Variants in DEF6 observed in about 807,000 individuals in gnomAD.
The protein encoded by DEF6 is differentially expressed in FDCP 6 homolog.
In DEF6, 32 loss-of-function variants were observed where a neutral mutation model predicts 80.5. The ratio of observed to expected loss-of-function variants is 0.40; its 90% CI spans 0.30 to 0.53. The LOEUF (loss-of-function observed/expected upper bound fraction) is 0.53. Ranked by LOEUF, DEF6 falls within the 20% of genes least tolerant of loss-of-function variation. The probability of loss-of-function intolerance (pLI) is 0.57; values close to 1 mark genes in which losing one functional copy is unlikely to be tolerated. For synonymous variants in DEF6, 300 were observed against 337.9 expected (o/e 0.89, Z 1.23); for missense variants, 575 against 818.7 (o/e 0.70, Z 3.63).
At chr6:35,315,951 C>T (rs1359878367) in intron 5 of DEF6, among the ~76,000 whole-genome samples, 3 of 151,018 alleles carry the variant, frequency 2.0e-5, no homozygotes, top group African/African-American at 2.4e-5. Context: ...CTCCGCCTCC[C>T]GAGTTCAAGT....
intron 9 of DEF6, among the ~76,000 whole-genome samples, chr6:35,320,310 T>TCTACCCTTCCTTCTACC (rs1791575317): frequency 6.6e-6 from 1 of 152,230 alleles, no homozygotes; most frequent in Admixed American, 6.5e-5. Flanking sequence ...AATTTTTCCT[T>TCTACCCTTCCTTCTACC]CTACCCTTCC....
At chr6:35,306,292 C>T (rs868497081) in intron 1 of DEF6, among the ~76,000 whole-genome samples, 9 of 151,216 alleles carry the variant, frequency 6.0e-5, no homozygotes, top group Non-Finnish European at 1.0e-4. Flanking sequence ...GGGCGGAACA[C>T]CTGAGGTCAG....
chr6:35,319,490 C>A lies in DEF6; in HGVS notation c.1216-34C>A. The A allele has an allele frequency of 6.3e-7, 1 of 1,578,646 alleles. No individual in the cohort carries two copies. Among genetic ancestry groups the A allele is most frequent in the South Asian group, 1.1e-5 (1 of 88,364 alleles). ...TCCGCCCCCACGTGCCCCTTTTGACCTGGCTCTTGGTCCACCACCTCCCCC... is the reference window on the plus strand; with the variant it reads ...TCCGCCCCCACGTGCCCCTTTTGACATGGCTCTTGGTCCACCACCTCCCCC... On this transcript the variant is annotated intron_variant, in intron 7 of 10. Transcript: ENST00000316637. This position sits in a 1 kb window ranked among gnomAD's most constrained non-coding sequence, Gnocchi z 4.5.
chr6:35,298,310 G>A (rs1431594200), intron 1 of DEF6, among the ~76,000 whole-genome samples: 2 of 152,202 alleles, frequency 1.3e-5, no homozygotes, highest in African/African-American at 2.4e-5. Flanking sequence ...GCTTGGGCAC[G>A]CAGTGTGCTC....
intron 5 of DEF6, among the ~76,000 whole-genome samples, chr6:35,313,909 G>A (rs903557535): frequency 6.6e-6 from 1 of 152,130 alleles, no homozygotes; most frequent in Non-Finnish European, 1.5e-5. Context: ...AACATGGGAA[G>A]GCAGATATCT....
At position 35,312,754 on chromosome 6, in the gene DEF6, T is replaced by G. The variant is rs1195436645; in HGVS notation, c.789T>G (p.Asp263Glu). 6.2e-7 allele frequency: 1 copy of G among 1,610,748 alleles called. No individual in the cohort carries two copies. The highest frequency in any genetic ancestry group is 8.5e-7 in the Non-Finnish European group (1 of 1,179,080). ...AGAAAAGGGGCATTATCCCGCTGGA[T>G]GCACACTGCTGCGTGGAGGTGAGGG... ...CKEKRGIIPL[D>E]AHCCVEVLPD... The change falls in exon 5 of 11, where the codon GAT (aspartate) becomes GAG (glutamate). Residue 263 changes from aspartate to glutamate, a missense_variant. By Grantham distance (45) the Asp-to-Glu change is conservative. Coordinates refer to ENST00000316637, the MANE Select transcript of DEF6 (RefSeq NM_022047.4). This position sits in a 1 kb window ranked among gnomAD's most constrained non-coding sequence, Gnocchi z 6.6.
At chr6:35,309,902 C>G (rs2150386795) in intron 2 of DEF6, 92 bp downstream of exon 2, 2 of 1,477,172 alleles carry the variant, frequency 1.4e-6, no homozygotes, top group Non-Finnish European at 1.9e-6. Context: ...AACTCTTCGC[C>G]CCTGCCATAA....
chr6:35,312,522 A>C lies in DEF6; in HGVS notation c.644A>C (p.Gln215Pro). 1 of 1,614,118 alleles carries C rather than the reference A, an allele frequency of 6.2e-7. No homozygotes were observed. Among genetic ancestry groups the C allele is most frequent in the Non-Finnish European group, 8.5e-7 (1 of 1,180,030 alleles). The change falls in exon 4 of 11, where the codon CAA becomes CCA. Residue 215 changes from glutamine (Q) to proline (P), a missense_variant. Transcript: ENST00000316637. This position sits in a 1 kb window ranked among gnomAD's most constrained non-coding sequence, Gnocchi z 6.6. Reference protein sequence around the residue: ...AIHEVYQELIQDVLKQGYLWK... With the variant: ...AIHEVYQELIPDVLKQGYLWK... ...CACGAGGTCTACCAGGAGCTCATCC[A>C]AGATGTCCTGAAGCAGGTCAGGCAA...
At chr6:35,304,546 A>T (rs1281968961) in intron 1 of DEF6, among the ~76,000 whole-genome samples, 1 of 152,204 alleles carries the variant, frequency 6.6e-6, no homozygotes, top group African/African-American at 2.4e-5. Context: ...GAGGCAAGTA[A>T]ACAAGAGGGA....
At chr6:35,309,929 G>A in intron 2 of DEF6, 119 bp downstream of exon 2, 1 of 1,234,962 alleles carries the variant, frequency 8.1e-7, no homozygotes, top group Non-Finnish European at 1.1e-6. Context: ...ACTTCTGCCT[G>A]CTCTGTCCGT....
chr6:35,301,919 G>T (rs1047431633), intron 1 of DEF6, among the ~76,000 whole-genome samples: 9 of 152,014 alleles, frequency 5.9e-5, no homozygotes, highest in African/African-American at 2.2e-4. Context: ...TAGAGCCGGG[G>T]TTTTGCCATG....
intron 1 of DEF6, among the ~76,000 whole-genome samples, chr6:35,299,682 C>T (rs1346705577): frequency 6.6e-6 from 1 of 152,176 alleles, no homozygotes; most frequent in Non-Finnish European, 1.5e-5. Flanking sequence ...GAACCTACTG[C>T]CAGCAACATC....
At chr6:35,315,625 C>A (rs746948709) in intron 5 of DEF6, among the ~76,000 whole-genome samples, 2 of 151,908 alleles carry the variant, frequency 1.3e-5, no homozygotes, top group Non-Finnish European at 2.9e-5. Flanking sequence ...CAATTTATTT[C>A]ATCAGTTTTA....
intron 5 of DEF6, 129 bp from the exon 6 acceptor site, chr6:35,317,762 T>A: frequency 1.5e-6 from 1 of 683,308 alleles, no homozygotes; most frequent in African/African-American, 1.8e-5. Context: ...CCATGCAGGC[T>A]CCTGGCAGAG....
In DEF6 at chr6:35,297,830, GCC is replaced by G; in HGVS notation, c.-23_-22del. ...GAAACCGGATCTTAGTGTCAGAGCC[GCC>G]CCCAGCCGGGCGGGCGCCTCAGCCA... On this transcript the variant is annotated 5_prime_UTR_variant, in exon 1 of 11. Transcript: ENST00000316637. 1 of 1,564,594 alleles carries G rather than the reference GCC, an allele frequency of 6.4e-7. No individual in the cohort carries two copies.
Position 35,319,563 on chromosome 6 carries a change from G to A in DEF6, c.1255G>A (p.Glu419Lys), listed in dbSNP as rs372748704. ...GCAGGCTGAGATGGAGCTGAAGGAG[G>A]AGGAGGCTGCCCGGCAGCGGCAGCG... Reference protein sequence around the residue: ...SMQAEMELKEEEAARQRQRIK... With the variant: ...SMQAEMELKEKEAARQRQRIK... The change falls in exon 8 of 11, where the codon GAG becomes AAG. Residue 419 changes from glutamate to lysine, a missense_variant. By Grantham distance (56) the Glu-to-Lys change is moderately conservative. Coordinates refer to ENST00000316637, the MANE Select transcript of DEF6 (RefSeq NM_022047.4). The surrounding 1 kb of genome is among the most constrained non-coding windows in gnomAD (Gnocchi z 4.5). The A allele has an allele frequency of 5.6e-6, 9 of 1,613,734 alleles. No individual in the cohort carries two copies. Among genetic ancestry groups the A allele is most frequent in the Non-Finnish European group, 7.6e-6 (9 of 1,179,924 alleles).
intron 5 of DEF6, chr6:35,317,609 C>T (rs893715124): frequency 1.6e-5 from 5 of 312,568 alleles, no homozygotes; most frequent in Non-Finnish European, 2.4e-5. Flanking sequence ...AGTGTTCAAG[C>T]GTGATCTGCA....
intron 9 of DEF6, among the ~76,000 whole-genome samples, chr6:35,320,459 G>T (rs913259007): frequency 2.0e-5 from 3 of 152,108 alleles, no homozygotes; most frequent in Non-Finnish European, 4.4e-5. Context: ...ACTGCTAATG[G>T]CTCCGTGAAA....
rs923016072 is a variant in DEF6 at position 35,315,022 on chromosome 6, G to T, written c.807+2250G>T. Among the ~76,000 whole-genome samples, 73 of 152,110 alleles carry T rather than the reference G, an allele frequency of 4.8e-4. 1 individual carries two copies. The highest frequency in any genetic ancestry group is 1.7e-3 in the African/African-American group (70 of 41,402). ...GTTTTCCCAGAACCATTTATTGAAA[G>T]GACTGTTCTTTCCCCATTGTGTGTT... On this transcript the variant is annotated intron_variant, in intron 5 of 10. Coordinates refer to ENST00000316637, the MANE Select transcript of DEF6 (RefSeq NM_022047.4).
Sources: gnomAD v4.1 joint callset for allele counts (sites outside exome capture counted in the v4.1 genomes callset) on GRCh38, gnomAD v4.1.1 for gene constraint, Gnocchi (gnomAD v3.1) non-coding constraint, MANE v1.5 for transcripts, NCBI Gene and HGNC (gene_info 2026-07-23, HGNC 2026-07-21) for gene names.